DNAAF1: variants seen among roughly 807,000 people sequenced by gnomAD.
The protein encoded by DNAAF1 is dynein assembly factor 1, axonemal.
In DNAAF1, 65 loss-of-function variants were observed where a neutral mutation model predicts 71.1. The observed-to-expected ratio is 0.91, with a 90% CI of 0.75 to 1.12. The LOEUF (loss-of-function observed/expected upper bound fraction) is 1.12, where lower values mean the gene tolerates loss of function less well. DNAAF1 is among the 50% of genes most tolerant of loss of function. The probability of loss-of-function intolerance (pLI) is 0.00; values close to 1 mark genes in which losing one functional copy is unlikely to be tolerated. For synonymous variants in DNAAF1, 414 were observed against 354.6 expected (o/e 1.17, Z -1.88); for missense variants, 1,178 against 899.8 (o/e 1.31, Z -3.96).
intron 5 of DNAAF1, 115 bp from the exon 6 acceptor site, chr16:84,159,560 C>T: frequency 7.1e-7 from 1 of 1,416,776 alleles, no homozygotes; most frequent in South Asian, 1.2e-5. Flanking sequence ...GATATTGGCA[C>T]TTCTATTTTG....
intron 9 of DNAAF1, chr16:84,174,393 A>C (rs1357234648): frequency 7.5e-7 from 1 of 1,342,222 alleles, no homozygotes; most frequent in Non-Finnish European, 9.6e-7. Context: ...TGTGTCTCTT[A>C]ATAAAAAAGC....
Position 84,145,472 on chromosome 16 carries a change from G to T in DNAAF1, c.32G>T (p.Gly11Val). The T allele has an allele frequency of 6.3e-7, 1 of 1,578,130 alleles. No homozygotes were observed. Among genetic ancestry groups the T allele is most frequent in the Non-Finnish European group, 8.6e-7 (1 of 1,162,294 alleles). The change falls in exon 1 of 12, where the codon GGT (glycine) becomes GTT (valine). Residue 11 changes from glycine (G) to valine (V), a missense_variant. By Grantham distance (109) the Gly-to-Val change is moderately radical. Transcript: ENST00000378553. MHPEPSEPATGGAAELDCAQE... is the reference protein window; with the variant it reads MHPEPSEPATVGAAELDCAQE... ...CCTGAGCCCTCGGAGCCTGCGACAG[G>T]TGGTGCAGCAGAGCTGGATTGCGCG...
intron 11 of DNAAF1, chr16:84,177,077 T>C: frequency 5.7e-6 from 1 of 175,852 alleles, no homozygotes; most frequent in Admixed American, 5.4e-5. Flanking sequence ...CACGCATCGG[T>C]GGCCAGGCTT....
At position 84,149,074 on chromosome 16, in the gene DNAAF1, G is replaced by C. The variant is rs111414382; in HGVS notation, c.192G>C (p.Gln64His). 1.2e-6 allele frequency: 2 copies of C among 1,614,050 alleles called. No homozygotes were observed. Among genetic ancestry groups the C allele is most frequent in the African/African-American group, 1.3e-5 (1 of 74,926 alleles). ...CATCCTACCACAGCCAGCAGAAACA[G>C]AGTGGTGATAATGGGTCAGGTGGTC... ...SDTSYHSQQK[Q>H]SGDNGSGGHF... Residue 64 changes from glutamine (Q) to histidine (H), a missense_variant, in exon 2 of 12, where the codon CAG (glutamine) becomes CAC (histidine). By Grantham distance (24) the Gln-to-His change is conservative. Transcript: ENST00000378553.
chr16:84,150,490 A>G, intron 3 of DNAAF1, 148 bp downstream of exon 3: 1 of 726,920 alleles, frequency 1.4e-6, no homozygotes, highest in Non-Finnish European at 2.4e-6. Context: ...TGGAAAAGGA[A>G]TAACATTTAT....
At chr16:84,168,544 C>G (rs2088144678) in intron 7 of DNAAF1, among the ~76,000 whole-genome samples, 1 of 152,118 alleles carries the variant, frequency 6.6e-6, no homozygotes, top group Non-Finnish European at 1.5e-5. Context: ...TCCCAAAGTG[C>G]TGGGATTACA....
intron 5 of DNAAF1, among the ~76,000 whole-genome samples, chr16:84,156,578 C>T (rs1228860561): frequency 2.0e-5 from 3 of 152,176 alleles, no homozygotes; most frequent in African/African-American, 4.8e-5. Context: ...TGAAGTTCCC[C>T]GTCAGTCCTT....
chr16:84,175,553 A>C, intron 10 of DNAAF1: 1 of 280,066 alleles, frequency 3.6e-6, no homozygotes, highest in East Asian at 9.5e-5. Flanking sequence ...AGCAGCAAAG[A>C]AAACAGACAC....
At chr16:84,148,893 A>G in intron 1 of DNAAF1, 114 bp from the exon 2 acceptor site, 2 of 1,255,290 alleles carry the variant, frequency 1.6e-6, no homozygotes, top group Non-Finnish European at 2.3e-6. Flanking sequence ...CCCAGCCACT[A>G]AAGAATACTG....
intron 4 of DNAAF1, among the ~76,000 whole-genome samples, chr16:84,155,063 C>T (rs1428563764): frequency 1.3e-5 from 2 of 152,108 alleles, no homozygotes; most frequent in Non-Finnish European, 2.9e-5. Context: ...CACCCACCAC[C>T]ACACCTGGCT....
At chr16:84,172,191 T>G (rs1279375732) in intron 8 of DNAAF1, 69 bp from the exon 9 acceptor site, 3 of 1,480,110 alleles carry the variant, frequency 2.0e-6, no homozygotes, top group Non-Finnish European at 1.9e-6. Flanking sequence ...GGAGCCCATC[T>G]TCACCGTAGG....
Position 84,170,230 on chromosome 16 carries a change from C to T in DNAAF1, c.1402C>T (p.Leu468Phe). 6.2e-7 allele frequency: 1 copy of T among 1,609,408 alleles called. No individual in the cohort carries two copies. Among genetic ancestry groups the T allele is most frequent in the Non-Finnish European group, 8.5e-7 (1 of 1,177,974 alleles). ...TGGAGATCAAGAGCCAGAGGGGACCCTCCCAGCTGAGACCCTGCTACTGTC... is the reference window on the plus strand; with the variant it reads ...TGGAGATCAAGAGCCAGAGGGGACCTTCCCAGCTGAGACCCTGCTACTGTC... ...EDGDQEPEGT[L>F]PAETLLLSPP... Residue 468 changes from leucine to phenylalanine, a missense_variant, in exon 8 of 12, where the codon CTC becomes TTC. Transcript: ENST00000378553.
intron 9 of DNAAF1, 166 bp downstream of exon 9, chr16:84,172,541 C>A: frequency 6.9e-7 from 1 of 1,446,482 alleles, no homozygotes; most frequent in Middle Eastern, 2.5e-4. Context: ...CCAGGCCTCA[C>A]CCCAGGCCCA....
chr16:84,169,469 G>C (rs1000559913), intron 7 of DNAAF1, among the ~76,000 whole-genome samples: 1 of 150,592 alleles, frequency 6.6e-6, no homozygotes, highest in African/African-American at 2.4e-5. Context: ...TCCCAGGCTG[G>C]AGTGCAGTGG....
chr16:84,171,217 C>G (rs1008305449), intron 8 of DNAAF1, among the ~76,000 whole-genome samples: 2 of 152,142 alleles, frequency 1.3e-5, no homozygotes, highest in African/African-American at 4.8e-5. Flanking sequence ...AGGCAGATTG[C>G]TTGAGGCCGG....
At position 84,159,657 on chromosome 16, in the gene DNAAF1, C is replaced by T; in HGVS notation, c.742-18C>T. The T allele has an allele frequency of 1.2e-6, 2 of 1,602,294 alleles. No individual in the cohort carries two copies. The highest frequency in any genetic ancestry group is 3.3e-4 in the Middle Eastern group (2 of 6,044). ...GCATCTTTCAGTAATCATTTTGGTTCTGCTTGTCTTCTTGCAGCGTGTACT... is the reference window on the plus strand; with the variant it reads ...GCATCTTTCAGTAATCATTTTGGTTTTGCTTGTCTTCTTGCAGCGTGTACT... On this transcript the variant is annotated intron_variant, in intron 5 of 11. Transcript: ENST00000378553.
In DNAAF1 at chr16:84,149,753, G is replaced by A. The variant is rs150709936; in HGVS notation, c.261-498G>A. Among the ~76,000 whole-genome samples, 34 of 151,278 alleles carry A rather than the reference G, an allele frequency of 2.2e-4. No individual in the cohort carries two copies. In the East Asian group the frequency reaches 5.5e-3, roughly 24 times the overall value. On this transcript the variant is annotated intron_variant, in intron 2 of 11. Transcript: ENST00000378553. ...AGAATGCTGAAAATAAGCCAAGCGTGGTGGCCCTTGCCTGTAATCCCAGTA... is the reference window on the plus strand; with the variant it reads ...AGAATGCTGAAAATAAGCCAAGCGTAGTGGCCCTTGCCTGTAATCCCAGTA...
rs374905502 is a variant in DNAAF1 at position 84,177,801 on chromosome 16, C to T, written c.2138C>T (p.Thr713Met). Residue 713 changes from threonine (T) to methionine (M), a missense_variant, in exon 12 of 12, where the codon ACG becomes ATG. Thr to Met is a moderately conservative substitution (Grantham distance 81, BLOSUM62 -1). Transcript: ENST00000378553. ...GCCCAGCCCAGCCAAGCTCTGCCCA[C>T]GTGGGACCTCACTGCATTCCCAGCA... ...GVAQPSQALP[T>M]WDLTAFPAPK... 25 of 1,613,976 alleles carry T rather than the reference C, an allele frequency of 1.5e-5. No homozygotes were observed. Among genetic ancestry groups the T allele is most frequent in the Non-Finnish European group, 1.9e-5 (22 of 1,180,000 alleles).
chr16:84,154,176 G>C lies in DNAAF1; in HGVS notation c.353-401G>C, dbSNP rs185815268. On this transcript the variant is annotated intron_variant, in intron 3 of 11. Transcript: ENST00000378553. ...TGCTGTAACAAGAAACCGTAGCCTG[G>C]GTGGCTTGTAGACAACAAAAATGTA... Among the ~76,000 whole-genome samples the C allele has an allele frequency of 1.1e-4, 16 of 152,236 alleles. No individual in the cohort carries two copies. In the East Asian group the frequency reaches 2.7e-3, roughly 26 times the overall value.
Sources: allele counts gnomAD v4.1 joint callset (sites outside exome capture counted in the v4.1 genomes callset), GRCh38; gene constraint gnomAD v4.1.1; transcripts MANE v1.5; gene names NCBI Gene and HGNC (gene_info 2026-07-23, HGNC 2026-07-21).